The following CNTN5 variants were observed in gnomAD, a reference collection of about 807,000 sequenced individuals.
CNTN5 encodes the protein contactin-5.
Under a neutral mutation model 129.1 loss-of-function variants are expected in CNTN5, and 77 were observed. That is an observed-to-expected ratio of 0.60 (90% CI 0.50 to 0.72). The LOEUF (loss-of-function observed/expected upper bound fraction) is 0.72. Ranked by LOEUF, CNTN5 falls within the 30% of genes least tolerant of loss-of-function variation. The pLI is 0.00. For missense variants in CNTN5, 1,478 were observed against 1,328.8 expected, an observed-to-expected ratio of 1.11 and a Z score of -1.75; for synonymous variants, 509 against 465.6, an observed-to-expected ratio of 1.09 and a Z score of -1.20.
chr11:99,397,741 T>G (rs1941600526), intron 2 of CNTN5, among the ~76,000 whole-genome samples: 2 of 151,790 alleles, frequency 1.3e-5, no homozygotes, highest in African/African-American at 4.8e-5. Context: ...ACAAGATGTT[T>G]CAGGCTCATT....
At chr11:100,063,706 T>TAAAAAAAAAAAAAAAAAAAAAAAAAAA (rs35896237) in intron 10 of CNTN5, among the ~76,000 whole-genome samples, 1 of 115,284 alleles carries the variant, frequency 8.7e-6, no homozygotes, top group Admixed American at 9.6e-5. Flanking sequence ...AACCTGTCTC[T>TAAAAAAAAAAAAAAAAAAAAAAAAAAA]AAAAAAAAAA....
chr11:99,965,004 A>G (rs1293974181), intron 8 of CNTN5, among the ~76,000 whole-genome samples: 1 of 152,000 alleles, frequency 6.6e-6, no homozygotes, highest in African/African-American at 2.4e-5. Context: ...ATCGGTGGTG[A>G]TATCCCCTTT....
intron 9 of CNTN5, among the ~76,000 whole-genome samples, chr11:100,031,765 A>G (rs1454504974): frequency 6.6e-6 from 1 of 152,212 alleles, no homozygotes; most frequent in Admixed American, 6.5e-5. Flanking sequence ...ATCTCTGTAT[A>G]CTGTACTTCT....
chr11:99,555,656 T>G (rs1948639818), intron 2 of CNTN5, among the ~76,000 whole-genome samples: 1 of 151,868 alleles, frequency 6.6e-6, no homozygotes, highest in South Asian at 2.1e-4. Context: ...GAAGTTGACA[T>G]TAATAATTAA....
intron 8 of CNTN5, among the ~76,000 whole-genome samples, chr11:99,985,045 G>C (rs796766846): frequency 6.6e-5 from 10 of 152,314 alleles, no homozygotes; most frequent in African/African-American, 2.4e-4. Context: ...TGAAGCTCAA[G>C]AAGGGGTGTT....
intron 1 of CNTN5, among the ~76,000 whole-genome samples, chr11:99,099,405 G>T (rs1373623092): frequency 6.6e-6 from 1 of 152,044 alleles, no homozygotes; most frequent in Admixed American, 6.6e-5. Context: ...ATTGATATCT[G>T]AGTCTTTTCT....
intron 3 of CNTN5, among the ~76,000 whole-genome samples, chr11:99,678,759 T>C (rs1288474880): frequency 6.6e-6 from 1 of 152,052 alleles, no homozygotes; most frequent in Non-Finnish European, 1.5e-5. Context: ...CACAGAGTTC[T>C]GTGGCATGGT....
At chr11:99,049,964 C>T (rs1223600012) in intron 1 of CNTN5, 1 of 151,948 alleles carries the variant, frequency 6.6e-6, no homozygotes, top group African/African-American at 2.4e-5. Flanking sequence ...AATTTTATTT[C>T]CAAAGAGTGG....
At chr11:99,839,376 G>A (rs1947406163) in intron 4 of CNTN5, among the ~76,000 whole-genome samples, 1 of 152,064 alleles carries the variant, frequency 6.6e-6, no homozygotes, top group African/African-American at 2.4e-5. Context: ...CATATCGAAG[G>A]AGGCAGTGAA....
intron 7 of CNTN5, among the ~76,000 whole-genome samples, chr11:99,920,894 T>C (rs1949921684): frequency 6.6e-6 from 1 of 152,130 alleles, no homozygotes; most frequent in Non-Finnish European, 1.5e-5. Flanking sequence ...TAGAAGGTGG[T>C]ATTTGGAGAT....
chr11:99,808,936 T>G (rs1946350348), intron 3 of CNTN5, among the ~76,000 whole-genome samples: 1 of 152,138 alleles, frequency 6.6e-6, no homozygotes, highest in East Asian at 1.9e-4. Context: ...AGCTAAAGAT[T>G]ATAAGCATAG....
At chr11:100,194,405 T>C (rs902340422) in intron 15 of CNTN5, among the ~76,000 whole-genome samples, 22 of 151,942 alleles carry the variant, frequency 1.4e-4, no homozygotes, top group Admixed American at 7.9e-4. Flanking sequence ...GAATCTTCCT[T>C]CTATATTGGC....
chr11:99,320,894 G>A (rs1477977479), intron 1 of CNTN5, among the ~76,000 whole-genome samples: 1 of 152,132 alleles, frequency 6.6e-6, no homozygotes, highest in African/African-American at 2.4e-5. Flanking sequence ...ACCGTGTAAA[G>A]TAGATGGCTC....
intron 13 of CNTN5, among the ~76,000 whole-genome samples, chr11:100,097,456 T>C (rs1404491458): frequency 6.6e-6 from 1 of 152,140 alleles, no homozygotes; most frequent in East Asian, 1.9e-4. Flanking sequence ...ATACAGAGTG[T>C]CATTGTGTCT....
intron 4 of CNTN5, among the ~76,000 whole-genome samples, chr11:99,843,584 C>A (rs1430892339): frequency 1.3e-5 from 2 of 152,026 alleles, no homozygotes; most frequent in African/African-American, 2.4e-5. Context: ...GAAATAATTT[C>A]TCTTTATCTG....
At chr11:99,555,196 T>C (rs1346358119) in intron 2 of CNTN5, among the ~76,000 whole-genome samples, 2 of 152,030 alleles carry the variant, frequency 1.3e-5, no homozygotes, top group Admixed American at 6.6e-5. Context: ...TCCTAAAATA[T>C]AGAGATAACC....
intron 3 of CNTN5, among the ~76,000 whole-genome samples, chr11:99,629,243 G>A (rs893664466): frequency 6.6e-6 from 1 of 151,936 alleles, no homozygotes; most frequent in African/African-American, 2.4e-5. Flanking sequence ...AAGGCATTTT[G>A]GATTGTTCCT....
intron 1 of CNTN5, among the ~76,000 whole-genome samples, chr11:99,278,238 C>T (rs891521749): frequency 1.1e-4 from 17 of 151,546 alleles, no homozygotes; most frequent in African/African-American, 4.1e-4. Context: ...TTACTATGTG[C>T]TAACAGTGGG....
chr11:99,485,477 A>G (rs1945775651), intron 2 of CNTN5, among the ~76,000 whole-genome samples: 1 of 152,130 alleles, frequency 6.6e-6, no homozygotes, highest in Admixed American at 6.5e-5. Context: ...ATTGTAACAT[A>G]TGTACCATTG....
Sources: allele counts gnomAD v4.1 joint callset (sites outside exome capture counted in the v4.1 genomes callset), GRCh38; gene constraint gnomAD v4.1.1; transcripts MANE v1.5; gene names NCBI Gene and HGNC (gene_info 2026-07-23, HGNC 2026-07-21).